The following MYT1L variants were observed in gnomAD, a reference collection of about 807,000 sequenced individuals.
MYT1L encodes the protein myelin transcription factor 1 like, also known as myelin transcription factor 1-like protein.
MYT1L carries 12 observed loss-of-function variants against 126.7 expected under a neutral mutation model. The observed-to-expected ratio is 0.09, with a 90% CI of 0.06 to 0.15. The LOEUF (loss-of-function observed/expected upper bound fraction) is 0.15. Among genes scored for constraint, MYT1L ranks in the 10% least tolerant of loss-of-function variants. The probability of loss-of-function intolerance (pLI) is 1.00; values close to 1 mark genes in which losing one functional copy is unlikely to be tolerated. For synonymous variants in MYT1L, 541 were observed against 604.2 expected (o/e 0.90, Z 1.53); for missense variants, 979 against 1,585.2 (o/e 0.62, Z 6.49).
At chr2:2,211,808 A>G (rs80116641) in intron 2 of MYT1L, among the ~76,000 whole-genome samples, 45 of 107,200 alleles carry the variant, frequency 4.2e-4, no homozygotes, top group African/African-American at 7.5e-4. Context: ...CATGTCAAAA[A>G]AAAAAAAAAA....
At chr2:2,089,270 T>C (rs2076667280) in intron 3 of MYT1L, among the ~76,000 whole-genome samples, 1 of 152,334 alleles carries the variant, frequency 6.6e-6, no homozygotes. Context: ...CCAGGTACAA[T>C]CAGGCTTGCA....
intron 3 of MYT1L, among the ~76,000 whole-genome samples, chr2:2,126,620 A>G (rs1484043513): frequency 1.3e-5 from 2 of 152,184 alleles, no homozygotes; most frequent in Admixed American, 6.5e-5. Flanking sequence ...TGAGACAAGG[A>G]AGGAAAAATG....
In MYT1L at chr2:2,031,617, C is replaced by A. The variant is rs1366983256; in HGVS notation, c.-158+22361G>T. On this transcript the variant is annotated intron_variant, in intron 4 of 24. Coordinates refer to ENST00000647738, the MANE Select transcript of MYT1L (RefSeq NM_001303052.2). ...GTGCCTCTCATCCTGTGGCCCAGAGCAGATTCTAGAAGGAGGGCCTTACAC... is the reference window on the plus strand; with the variant it reads ...GTGCCTCTCATCCTGTGGCCCAGAGAAGATTCTAGAAGGAGGGCCTTACAC... Among the ~76,000 whole-genome samples, 9 of 143,294 alleles carry A rather than the reference C, an allele frequency of 6.3e-5. No individual in the cohort carries two copies. The East Asian group carries it at 1.5e-3, about 24-fold the overall frequency. 94.0% of individuals were successfully genotyped at this position (143,294 alleles called of 152,430 possible). A position where few individuals can be genotyped will look rare whatever the true frequency, so the allele number is the denominator to read the frequency against.
chr2:2,135,091 G>A (rs1016159999), intron 3 of MYT1L, among the ~76,000 whole-genome samples: 3 of 152,240 alleles, frequency 2.0e-5, no homozygotes, highest in Non-Finnish European at 4.4e-5. Flanking sequence ...GAATTTCTGA[G>A]TTTATTCTAA....
intron 8 of MYT1L, among the ~76,000 whole-genome samples, chr2:1,951,492 C>T (rs1463253549): frequency 1.3e-5 from 2 of 152,188 alleles, no homozygotes; most frequent in African/African-American, 4.8e-5. Context: ...CCTTCGGTCA[C>T]ATCCACAGGA....
chr2:1,921,587 C>A (rs557879600), intron 10 of MYT1L, among the ~76,000 whole-genome samples: 3 of 152,060 alleles, frequency 2.0e-5, no homozygotes, highest in African/African-American at 4.8e-5. Flanking sequence ...TTGAGAAAAG[C>A]GCCATAACTG....
intron 1 of MYT1L, among the ~76,000 whole-genome samples, chr2:2,327,430 G>T (rs2149737312): frequency 6.6e-6 from 1 of 152,188 alleles, no homozygotes; most frequent in East Asian, 1.9e-4. Flanking sequence ...TTTATCCTCA[G>T]TTACTCCTTT....
chr2:1,882,000 A>G lies in MYT1L; in HGVS notation c.2711+4539T>C, dbSNP rs150106329. ...GAGACAGGCTTTGTCCTTGCAGTCG[A>G]TTGTCTCTACATCTCAACTGGGCAG... On this transcript the variant is annotated intron_variant, in intron 18 of 24. Transcript: ENST00000647738. 3.0e-4 allele frequency among the ~76,000 whole-genome samples: 45 copies of G among 152,148 alleles called. No individual in the cohort carries two copies. In the East Asian group the frequency reaches 7.7e-3, roughly 26 times the overall value.
At chr2:1,911,203 C>T (rs1194567377) in intron 12 of MYT1L, among the ~76,000 whole-genome samples, 1 of 152,152 alleles carries the variant, frequency 6.6e-6, no homozygotes, top group Non-Finnish European at 1.5e-5. Context: ...CTCTGGAGGG[C>T]ACAGTGGTCA....
intron 4 of MYT1L, among the ~76,000 whole-genome samples, chr2:2,007,044 GATAT>G (rs113385392): frequency 4.1e-5 from 6 of 146,778 alleles, no homozygotes; most frequent in African/African-American, 7.5e-5. Flanking sequence ...TTTCATTGAA[GATAT>G]ATATATATAT....
intron 4 of MYT1L, among the ~76,000 whole-genome samples, chr2:2,007,355 T>G (rs1413054729): frequency 6.6e-6 from 1 of 152,188 alleles, no homozygotes; most frequent in African/African-American, 2.4e-5. Context: ...ATAATAGCTG[T>G]AAACCAAAAA....
intron 18 of MYT1L, among the ~76,000 whole-genome samples, chr2:1,882,282 C>T (rs982585941): frequency 6.6e-5 from 10 of 152,124 alleles, no homozygotes; most frequent in African/African-American, 1.9e-4. Context: ...GACCCACACC[C>T]GAGAAACCCC....
intron 23 of MYT1L, among the ~76,000 whole-genome samples, chr2:1,798,292 C>G (rs2034187307): frequency 6.6e-6 from 1 of 152,150 alleles, no homozygotes; most frequent in Non-Finnish European, 1.5e-5. Context: ...CCATCCGGCA[C>G]AGGTGTGAAA....
intron 13 of MYT1L, among the ~76,000 whole-genome samples, chr2:1,909,653 C>T (rs1261330746): frequency 6.6e-6 from 1 of 152,134 alleles, no homozygotes; most frequent in African/African-American, 2.4e-5. Context: ...ACTGATTGAC[C>T]CACTGTAACA....
chr2:1,967,413 C>T (rs1159874813), intron 8 of MYT1L, among the ~76,000 whole-genome samples: 1 of 152,210 alleles, frequency 6.6e-6, no homozygotes, highest in East Asian at 1.9e-4. Flanking sequence ...CCAGATGCGC[C>T]CTCTGGGAGA....
At chr2:1,992,517 G>T (rs1433527682) in intron 5 of MYT1L, among the ~76,000 whole-genome samples, 1 of 152,154 alleles carries the variant, frequency 6.6e-6, no homozygotes, top group East Asian at 1.9e-4. Context: ...TCGGGCATAA[G>T]AACCCAGAGT....
chr2:1,862,073 C>T (rs1220018342), intron 18 of MYT1L, among the ~76,000 whole-genome samples: 4 of 152,208 alleles, frequency 2.6e-5, no homozygotes, highest in African/African-American at 9.7e-5. Flanking sequence ...CCTCGTGCCC[C>T]TATCCTCTTG....
intron 21 of MYT1L, among the ~76,000 whole-genome samples, chr2:1,829,004 G>A (rs2039744861): frequency 6.6e-6 from 1 of 152,090 alleles, no homozygotes; most frequent in South Asian, 2.1e-4. Context: ...AAAAAAGGAT[G>A]CTCAGGGCAC....
At chr2:2,216,239 C>A (rs2093673679) in intron 2 of MYT1L, among the ~76,000 whole-genome samples, 1 of 152,020 alleles carries the variant, frequency 6.6e-6, no homozygotes. Flanking sequence ...GCCTAATACA[C>A]CAAGGTAGAT....
Sources: gnomAD v4.1 joint callset for allele counts (sites outside exome capture counted in the v4.1 genomes callset) on GRCh38, gnomAD v4.1.1 for gene constraint, MANE v1.5 for transcripts, NCBI Gene and HGNC (gene_info 2026-07-23, HGNC 2026-07-21) for gene names.